DCC: variants seen among roughly 807,000 people sequenced by gnomAD.
DCC encodes the protein DCC netrin 1 receptor.
Under a neutral mutation model 172.5 loss-of-function variants are expected in DCC, and 58 were observed. The ratio of observed to expected loss-of-function variants is 0.34; its 90% CI spans 0.27 to 0.42. The LOEUF (loss-of-function observed/expected upper bound fraction) is 0.42, where lower values mean the gene tolerates loss of function less well. Ranked by LOEUF, DCC falls within the 10% of genes least tolerant of loss-of-function variation. DCC has a pLI of 1.00. For synonymous variants in DCC, 709 were observed against 644.5 expected, an observed-to-expected ratio of 1.10 and a Z score of -1.52; for missense variants, 1,740 against 1,791.0, an observed-to-expected ratio of 0.97 and a Z score of 0.51.
At chr18:53,148,178 C>T (rs1183195066) in intron 7 of DCC, among the ~76,000 whole-genome samples, 1 of 152,210 alleles carries the variant, frequency 6.6e-6, no homozygotes, top group Non-Finnish European at 1.5e-5. Context: ...AGCACTGATT[C>T]TTAAAGCCTG....
chr18:52,862,793 A>G (rs371175284), intron 2 of DCC, among the ~76,000 whole-genome samples: 1 of 152,156 alleles, frequency 6.6e-6, no homozygotes, highest in Non-Finnish European at 1.5e-5. Context: ...CAAATAATCA[A>G]AAGATGGAAT....
intron 1 of DCC, among the ~76,000 whole-genome samples, chr18:52,730,077 A>T (rs2036613816): frequency 6.6e-6 from 1 of 152,220 alleles, no homozygotes; most frequent in Non-Finnish European, 1.5e-5. Flanking sequence ...CCTGGTAATT[A>T]CTTGCAGTTT....
intron 22 of DCC, among the ~76,000 whole-genome samples, chr18:53,436,855 C>T (rs770257750): frequency 3.2e-4 from 49 of 152,142 alleles, no homozygotes; most frequent in Non-Finnish European, 7.1e-4. Flanking sequence ...ATCAAGGTGC[C>T]AGCAGACTGG....
At chr18:53,032,218 G>T (rs965474111) in intron 5 of DCC, among the ~76,000 whole-genome samples, 1 of 152,102 alleles carries the variant, frequency 6.6e-6, no homozygotes, top group Non-Finnish European at 1.5e-5. Flanking sequence ...CTAGAAGAAC[G>T]TGAGAAAGAG....
At chr18:52,594,778 G>C (rs1443268463) in intron 1 of DCC, among the ~76,000 whole-genome samples, 1 of 152,118 alleles carries the variant, frequency 6.6e-6, no homozygotes, top group Non-Finnish European at 1.5e-5. Context: ...TAGCAAGGGA[G>C]ATGCAACACG....
At chr18:53,140,131 A>T (rs2043808452) in intron 7 of DCC, among the ~76,000 whole-genome samples, 1 of 152,236 alleles carries the variant, frequency 6.6e-6, no homozygotes, top group Non-Finnish European at 1.5e-5. Context: ...GACAAACCAT[A>T]ATTCAGCTGA....
intron 1 of DCC, among the ~76,000 whole-genome samples, chr18:52,740,017 TA>T (rs2036794501): frequency 6.6e-6 from 1 of 152,140 alleles, no homozygotes; most frequent in Non-Finnish European, 1.5e-5. Context: ...CTGCATGCAG[TA>T]AGCCCTTTTA....
At chr18:52,626,501 T>A (rs1225863799) in intron 1 of DCC, among the ~76,000 whole-genome samples, 1 of 151,958 alleles carries the variant, frequency 6.6e-6, no homozygotes, top group Non-Finnish European at 1.5e-5. Flanking sequence ...AAAACCAGAG[T>A]GATCTTTCTA....
At chr18:53,167,303 C>T (rs1293755827) in intron 8 of DCC, among the ~76,000 whole-genome samples, 1 of 152,174 alleles carries the variant, frequency 6.6e-6, no homozygotes, top group African/African-American at 2.4e-5. Context: ...AACTCTACTT[C>T]TGAAATGTAA....
At chr18:53,497,628 C>CATTACATGACACT (rs1319353906) in intron 26 of DCC, among the ~76,000 whole-genome samples, 1 of 152,208 alleles carries the variant, frequency 6.6e-6, no homozygotes, top group Non-Finnish European at 1.5e-5. Flanking sequence ...ACAAAAATCT[C>CATTACATGACACT]ATTACATGAC....
At chr18:52,473,250 C>T (rs1242149836) in intron 1 of DCC, among the ~76,000 whole-genome samples, 19 of 152,272 alleles carry the variant, frequency 1.2e-4, no homozygotes, top group Non-Finnish European at 2.1e-4. Context: ...TTCATTCATT[C>T]TAAGACCTCA....
intron 7 of DCC, among the ~76,000 whole-genome samples, chr18:53,105,201 A>G (rs539896895): frequency 4.6e-5 from 7 of 152,122 alleles, no homozygotes; most frequent in Non-Finnish European, 8.8e-5. Flanking sequence ...TTCTGGTGCT[A>G]TTTCTTGACA....
At chr18:53,187,890 A>G (rs1240319307) in intron 9 of DCC, among the ~76,000 whole-genome samples, 4 of 152,192 alleles carry the variant, frequency 2.6e-5, no homozygotes, top group African/African-American at 4.8e-5. Flanking sequence ...TTTTAAGCCT[A>G]TGACAAGCAA....
chr18:52,884,658 G>A (rs1293062762), intron 2 of DCC, among the ~76,000 whole-genome samples: 1 of 152,140 alleles, frequency 6.6e-6, no homozygotes, highest in East Asian at 1.9e-4. Flanking sequence ...TTCTCTGTCT[G>A]AAAGGTCACA....
chr18:52,775,682 TC>T (rs2037417968), intron 2 of DCC, among the ~76,000 whole-genome samples: 1 of 152,164 alleles, frequency 6.6e-6, no homozygotes, highest in African/African-American at 2.4e-5. Context: ...GCCAGAGTGC[TC>T]CCTCATGCCC....
chr18:53,036,305 G>A (rs1193788126), intron 5 of DCC, among the ~76,000 whole-genome samples: 6 of 151,924 alleles, frequency 3.9e-5, no homozygotes, highest in Non-Finnish European at 8.8e-5. Flanking sequence ...ATCTATTAGG[G>A]CACAATTTGA....
At chr18:52,956,409 GCT>G (rs1249196764) in intron 5 of DCC, among the ~76,000 whole-genome samples, 3 of 151,866 alleles carry the variant, frequency 2.0e-5, no homozygotes, top group African/African-American at 7.3e-5. Flanking sequence ...CTATTTCTGA[GCT>G]CTCTGTCCTG....
intron 27 of DCC, among the ~76,000 whole-genome samples, chr18:53,507,679 A>AT (rs1158695548): frequency 2.6e-5 from 4 of 152,186 alleles, no homozygotes; most frequent in Non-Finnish European, 5.9e-5. Flanking sequence ...AGCCCTATTC[A>AT]TGAAACCGTA....
chr18:53,175,428 C>G (rs2055076486), intron 8 of DCC, among the ~76,000 whole-genome samples: 1 of 152,042 alleles, frequency 6.6e-6, no homozygotes, highest in South Asian at 2.1e-4. Flanking sequence ...CTAGAAAACC[C>G]CATCGTCTCA....
Sources: allele counts gnomAD v4.1 joint callset (sites outside exome capture counted in the v4.1 genomes callset), GRCh38; gene constraint gnomAD v4.1.1; transcripts MANE v1.5; gene names NCBI Gene and HGNC (gene_info 2026-07-23, HGNC 2026-07-21).